The following TRAPPC11 variants were observed in gnomAD, a reference collection of about 807,000 sequenced individuals.
TRAPPC11 encodes the protein foie gras homolog.
TRAPPC11 carries 104 observed loss-of-function variants against 151.2 expected under a neutral mutation model. The ratio of observed to expected loss-of-function variants is 0.69; its 90% CI spans 0.59 to 0.81. The LOEUF is 0.81. Ranked by LOEUF, TRAPPC11 falls within the 30% of genes least tolerant of loss-of-function variation. The pLI is 0.00. For synonymous variants in TRAPPC11, 456 were observed against 472.3 expected (o/e 0.97, Z 0.45); for missense variants, 1,230 against 1,349.6 (o/e 0.91, Z 1.39).
At chr4:183,666,202 A>G (rs1433957600) in intron 2 of TRAPPC11, 55 bp from the exon 3 acceptor site, 3 of 1,550,484 alleles carry the variant, frequency 1.9e-6, no homozygotes, top group Admixed American at 3.6e-5. Flanking sequence ...GCACTCAGTA[A>G]CAGGTGGTTT....
At position 183,704,943 on chromosome 4, in the gene TRAPPC11, A is replaced by T. The variant is rs185601616; in HGVS notation, c.2964-36A>T. The T allele has an allele frequency of 3.0e-5, 41 of 1,383,508 alleles. No individual in the cohort carries two copies. The African/African-American group carries it at 3.4e-4, about 11-fold the overall frequency. 85.7% of individuals were successfully genotyped at this position (1,383,508 alleles called of 1,614,324 possible). On this transcript the variant is annotated intron_variant, in intron 26 of 29. Coordinates refer to ENST00000334690, the MANE Select transcript of TRAPPC11 (RefSeq NM_021942.6). Reference sequence around the variant, plus strand: ...TCTTTCATAGTTTAAAAAGATGTTTAAAAAGAGTTTAAAAAGATGACCTCT... The same window carrying T: ...TCTTTCATAGTTTAAAAAGATGTTTTAAAAGAGTTTAAAAAGATGACCTCT...
At chr4:183,662,195 A>G (rs1272192290) in intron 1 of TRAPPC11, among the ~76,000 whole-genome samples, 1 of 151,958 alleles carries the variant, frequency 6.6e-6, no homozygotes, top group Admixed American at 6.6e-5. Flanking sequence ...CTGTCCACTA[A>G]AATACAAAAA....
intron 26 of TRAPPC11, among the ~76,000 whole-genome samples, chr4:183,702,144 G>A (rs1330348856): frequency 6.6e-6 from 1 of 152,122 alleles, no homozygotes; most frequent in African/African-American, 2.4e-5. Context: ...AGGAGTTTGA[G>A]ACCAGCCTGG....
intron 1 of TRAPPC11, 69 bp from the exon 2 acceptor site, chr4:183,663,778 G>A: frequency 8.2e-6 from 2 of 245,364 alleles, no homozygotes; most frequent in South Asian, 1.0e-4. Context: ...TGCTCTTGTT[G>A]CCCAGGCTGG....
chr4:183,675,527 A>AT (rs765721901), intron 7 of TRAPPC11: 18 of 180,874 alleles, frequency 1.0e-4, no homozygotes, highest in Non-Finnish European at 1.6e-4. Flanking sequence ...TCTTGACTTT[A>AT]TTTTGTGTAT....
chr4:183,694,052 A>G lies in TRAPPC11; in HGVS notation c.2508+14A>G, dbSNP rs2111068700. On this transcript the variant is annotated intron_variant, in intron 22 of 29. Transcript: ENST00000334690. The stretch of plus-strand genomic sequence containing the variant: ...CCAGGGGAACAGGTAAACTTGGTCA[A>G]CTGGGATTGAAGAGGAAATCAATTA... The G allele has an allele frequency of 3.1e-6, 5 of 1,611,872 alleles. 1 individual carries two copies.
At chr4:183,667,847 A>G in intron 4 of TRAPPC11, 156 bp from the exon 5 acceptor site, 1 of 641,132 alleles carries the variant, frequency 1.6e-6, no homozygotes. Context: ...AGAACCACAC[A>G]GAGCTCTCAA....
chr4:183,675,084 A>G, intron 6 of TRAPPC11, 80 bp from the exon 7 acceptor site: 1 of 736,054 alleles, frequency 1.4e-6, no homozygotes, highest in Non-Finnish European at 2.0e-6. Flanking sequence ...TCATTCTTTT[A>G]TGTCTCCTCA....
chr4:183,682,324 A>C (rs1388128700), intron 10 of TRAPPC11, among the ~76,000 whole-genome samples: 2 of 152,222 alleles, frequency 1.3e-5, no homozygotes, highest in Non-Finnish European at 2.9e-5. Context: ...CACAATAGCA[A>C]GATTTAATAC....
At chr4:183,661,340 T>C (rs1734502412) in intron 1 of TRAPPC11, among the ~76,000 whole-genome samples, 1 of 149,658 alleles carries the variant, frequency 6.7e-6, no homozygotes, top group Admixed American at 6.8e-5. Context: ...CATAATATAC[T>C]GGTATACTGG....
At position 183,674,041 on chromosome 4, in the gene TRAPPC11, T is replaced by C. The variant is rs565360304; in HGVS notation, c.561-672T>C. On this transcript the variant is annotated intron_variant, in intron 5 of 29. Transcript: ENST00000334690. ...AAATCACCAAAAAACTGAAATCTAA[T>C]TGATTAATAATTTTTTTCAGACTTT... 2.1e-3 allele frequency among the ~76,000 whole-genome samples: 316 copies of C among 152,300 alleles called. 2 individuals carry two copies. Among genetic ancestry groups the C allele is most frequent in the African/African-American group, 7.2e-3 (299 of 41,570 alleles).
At chr4:183,704,445 C>A (rs1318785942) in intron 26 of TRAPPC11, among the ~76,000 whole-genome samples, 1 of 141,904 alleles carries the variant, frequency 7.0e-6, no homozygotes, top group Admixed American at 7.1e-5. Context: ...CACTTGAACC[C>A]AGGAGGTGGA....
At position 183,680,363 on chromosome 4, in the gene TRAPPC11, C is replaced by T. The variant is rs1029346324; in HGVS notation, c.1113+96C>T. 1.1e-5 allele frequency: 14 copies of T among 1,331,986 alleles called. No individual in the cohort carries two copies. In the African/African-American group the frequency reaches 2.1e-4, roughly 20 times the overall value. 82.5% of individuals were successfully genotyped at this position (1,331,986 alleles called of 1,614,324 possible). On this transcript the variant is annotated intron_variant, in intron 10 of 29. Transcript: ENST00000334690. Reference sequence around the variant, plus strand: ...TTGGTGTTGATAATTTTTTCCAAGTCTTTAAATTTAATTAGTTTTTATTTT... The same window carrying T: ...TTGGTGTTGATAATTTTTTCCAAGTTTTTAAATTTAATTAGTTTTTATTTT...
intron 9 of TRAPPC11, 48 bp from the exon 10 acceptor site, chr4:183,680,072 T>C (rs374588190): frequency 5.9e-6 from 9 of 1,537,378 alleles, no homozygotes; most frequent in Middle Eastern, 1.7e-4. Flanking sequence ...GAAATAAGCT[T>C]CTTTTTCTTT....
At position 183,693,102 on chromosome 4, in the gene TRAPPC11, A is replaced by T; in HGVS notation, c.2192A>T (p.Asp731Val). 1.2e-6 allele frequency: 2 copies of T among 1,612,364 alleles called. No homozygotes were observed. Among genetic ancestry groups the T allele is most frequent in the Middle Eastern group, 3.3e-4 (2 of 6,054 alleles). The stretch of plus-strand genomic sequence containing the variant: ...TTCAAAAGGCGACCTAAGCTACCTG[A>T]CAATGAAGTTCACTGGGACAGCATT... Reference protein sequence around the residue: ...RSFKRRPKLPDNEVHWDSIII... With the variant: ...RSFKRRPKLPVNEVHWDSIII... Residue 731 changes from aspartate to valine, a missense_variant, in exon 20 of 30, where the codon GAC (aspartate) becomes GTC (valine). Physicochemically the swap from Asp to Val is radical, Grantham distance 152. Transcript: ENST00000334690.
chr4:183,667,247 A>G (rs1018764907), intron 4 of TRAPPC11, 117 bp downstream of exon 4: 5 of 722,236 alleles, frequency 6.9e-6, no homozygotes, highest in Non-Finnish European at 1.2e-5. Flanking sequence ...GGCTGATAGT[A>G]TGTTAACTTT....
At chr4:183,692,778 G>T (rs377674045) in intron 19 of TRAPPC11, among the ~76,000 whole-genome samples, 182 bp from the exon 20 acceptor site, 1 of 152,106 alleles carries the variant, frequency 6.6e-6, no homozygotes, top group Non-Finnish European at 1.5e-5. Flanking sequence ...AACCCAGAGC[G>T]CAGTTAGTCT....
At chr4:183,693,463 C>T (rs975861424) in intron 20 of TRAPPC11, 126 bp from the exon 21 acceptor site, 22 of 1,057,038 alleles carry the variant, frequency 2.1e-5, no homozygotes, top group Non-Finnish European at 2.8e-5. Context: ...GCCTCAGTCT[C>T]CCAAAATGCT....
At chr4:183,709,021 G>A (rs1009363637) in intron 29 of TRAPPC11, among the ~76,000 whole-genome samples, 4 of 151,348 alleles carry the variant, frequency 2.6e-5, no homozygotes, top group Non-Finnish European at 4.4e-5. Context: ...CAATTTCCAG[G>A]TCCCTACAAT....
Sources: allele counts gnomAD v4.1 joint callset (sites outside exome capture counted in the v4.1 genomes callset), GRCh38; gene constraint gnomAD v4.1.1; transcripts MANE v1.5; gene names NCBI Gene and HGNC (gene_info 2026-07-23, HGNC 2026-07-21).